DCPH1: variants seen among roughly 807,000 people sequenced by gnomAD.
DCPH1 encodes the protein damage control phosphatase 1.
chr6:151,466,893 G>T, the DCPH1 span, among the ~76,000 whole-genome samples: 1 of 152,094 alleles, frequency 6.6e-6, no homozygotes, highest in South Asian at 2.1e-4. Context: ...GGTGACCTTG[G>T]ACACTTTAGT....
At chr6:151,465,017 C>T in the DCPH1 span, among the ~76,000 whole-genome samples, 38 of 152,280 alleles carry the variant, frequency 2.5e-4, 2 homozygotes, top group South Asian at 7.9e-3. Flanking sequence ...CCTCAGTTTC[C>T]TCCTCTGTTC....
the DCPH1 span, among the ~76,000 whole-genome samples, chr6:151,457,985 A>C: frequency 1.3e-5 from 2 of 152,192 alleles, no homozygotes; most frequent in Admixed American, 6.5e-5. Context: ...CAGAAAGCCC[A>C]CAGTTTCTTT....
At chr6:151,458,287 C>CA in the DCPH1 span, 1 of 1,228,768 alleles carries the variant, frequency 8.1e-7, no homozygotes, top group Non-Finnish European at 1.1e-6. Context: ...ATTGCACAGA[C>CA]ACACACACAC....
At chr6:151,452,548 G>T in the DCPH1 span, 2 of 1,611,884 alleles carry the variant, frequency 1.2e-6, no homozygotes, top group Non-Finnish European at 1.7e-6. Context: ...GGAAAGTGAT[G>T]GCTGTCGTCC....
the DCPH1 span, chr6:151,458,567 C>G: frequency 7.5e-6 from 12 of 1,606,478 alleles, no homozygotes; most frequent in Admixed American, 1.0e-4. Flanking sequence ...AAGCAATTAT[C>G]CAGAGGTACG....
At chr6:151,464,748 A>G in the DCPH1 span, 63 of 588,714 alleles carry the variant, frequency 1.1e-4, no homozygotes, top group Non-Finnish European at 1.6e-4. Context: ...GTGTTAAAAG[A>G]TGAAAATCCA....
chr6:151,457,902 T>A, the DCPH1 span, among the ~76,000 whole-genome samples: 340 of 152,290 alleles, frequency 2.2e-3, no homozygotes, highest in African/African-American at 7.6e-3. Context: ...TTTGTCAGCA[T>A]ATGTCATCTC....
At chr6:151,465,548 C>T in the DCPH1 span, among the ~76,000 whole-genome samples, 1 of 151,820 alleles carries the variant, frequency 6.6e-6, no homozygotes, top group Admixed American at 6.6e-5. Flanking sequence ...TGAGAGGTAG[C>T]GGGGTGGAAG....
the DCPH1 span, among the ~76,000 whole-genome samples, chr6:151,457,988 G>A: frequency 6.6e-6 from 1 of 152,144 alleles, no homozygotes; most frequent in African/African-American, 2.4e-5. Context: ...AAAGCCCACA[G>A]TTTCTTTTCT....
the DCPH1 span, chr6:151,452,924 T>A: frequency 7.9e-6 from 2 of 254,648 alleles, no homozygotes; most frequent in Non-Finnish European, 1.5e-5. Flanking sequence ...ATCTCAGCGC[T>A]ATTAAGAAAC....
the DCPH1 span, among the ~76,000 whole-genome samples, chr6:151,461,967 T>C: frequency 6.6e-6 from 1 of 152,136 alleles, no homozygotes; most frequent in Non-Finnish European, 1.5e-5. Flanking sequence ...AATGTCTAAT[T>C]TTTAGGTTCT....
the DCPH1 span, chr6:151,468,817 A>G: frequency 1.1e-5 from 17 of 1,614,106 alleles, no homozygotes; most frequent in African/African-American, 1.1e-4. Flanking sequence ...GTACTGTGCA[A>G]TGCCTCAGGT....
the DCPH1 span, among the ~76,000 whole-genome samples, chr6:151,457,137 C>G: frequency 6.6e-6 from 1 of 152,172 alleles, no homozygotes; most frequent in Non-Finnish European, 1.5e-5. Context: ...AGGCTTATCT[C>G]CGAAGGAGCC....
the DCPH1 span, among the ~76,000 whole-genome samples, chr6:151,467,258 A>C: frequency 2.6e-5 from 4 of 151,834 alleles, no homozygotes; most frequent in Non-Finnish European, 5.9e-5. Flanking sequence ...TCAAAAAAAA[A>C]AAAAACAAAA....
the DCPH1 span, among the ~76,000 whole-genome samples, chr6:151,457,734 C>T: frequency 9.3e-5 from 14 of 151,144 alleles, no homozygotes; most frequent in African/African-American, 2.9e-4. Context: ...TTATTATATA[C>T]GTGTCTTATT....
chr6:151,468,543 T>C, the DCPH1 span: 6 of 1,614,098 alleles, frequency 3.7e-6, no homozygotes, highest in East Asian at 1.1e-4. Flanking sequence ...TTGTTCTCGA[T>C]AATTCTGGAT....
chr6:151,455,042 C>T, the DCPH1 span, among the ~76,000 whole-genome samples: 1 of 152,200 alleles, frequency 6.6e-6, no homozygotes, highest in Non-Finnish European at 1.5e-5. Context: ...ATCTTGAGTC[C>T]TGGAAGTTCA....
the DCPH1 span, among the ~76,000 whole-genome samples, chr6:151,459,418 A>G: frequency 6.6e-6 from 1 of 151,992 alleles, no homozygotes; most frequent in Non-Finnish European, 1.5e-5. Flanking sequence ...AAAAGATTTT[A>G]AAAGTACACA....
At chr6:151,463,092 C>T in the DCPH1 span, among the ~76,000 whole-genome samples, 1 of 152,186 alleles carries the variant, frequency 6.6e-6, no homozygotes, top group South Asian at 2.1e-4. Flanking sequence ...TACTACTTTT[C>T]TTTCACTTTG....
Sources: allele counts gnomAD v4.1 joint callset (sites outside exome capture counted in the v4.1 genomes callset), GRCh38; gene constraint gnomAD v4.1.1; transcripts MANE v1.5; gene names NCBI Gene and HGNC (gene_info 2026-07-23, HGNC 2026-07-21).